CA1: variants seen among roughly 807,000 people sequenced by gnomAD.
The protein encoded by CA1 is carbonate dehydratase I.
In CA1, 27 loss-of-function variants were observed where a neutral mutation model predicts 28.8. The ratio of observed to expected loss-of-function variants is 0.94; its 90% confidence interval spans 0.69 to 1.29. CA1 has a LOEUF of 1.29. Ranked by LOEUF, CA1 falls within the 50% of genes most tolerant of loss-of-function variation. The pLI is 0.00. For synonymous variants in CA1, 121 were observed against 108.8 expected (o/e 1.11, Z -0.70); for missense variants, 335 against 310.5 (o/e 1.08, Z -0.59).
At chr8:85,355,641 T>A (rs963701940) in intron 1 of CA1, among the ~76,000 whole-genome samples, 1 of 149,736 alleles carries the variant, frequency 6.7e-6, no homozygotes, top group Non-Finnish European at 1.5e-5. Flanking sequence ...GCTCCAGGGA[T>A]CCTCTTGTCT....
chr8:85,354,439 T>C (rs190957060), intron 1 of CA1, among the ~76,000 whole-genome samples: 5 of 152,252 alleles, frequency 3.3e-5, no homozygotes, highest in Admixed American at 2.0e-4. Context: ...CATTCTTCCT[T>C]CCAGAAAAAG....
chr8:85,327,995 AC>A lies in CA1; in HGVS notation c.*564del, dbSNP rs1808243733. 1 of 152,512 alleles carries A rather than the reference AC, an allele frequency of 6.6e-6. No individual in the cohort carries two copies. Among genetic ancestry groups the A allele is most frequent in the Non-Finnish European group, 1.5e-5 (1 of 68,296 alleles). The allele number at this position is 152,512 out of a possible 1,614,324, so 9.4% of individuals were successfully genotyped here. A position where few individuals can be genotyped will look rare whatever the true frequency, so the allele number is the denominator to read the frequency against. On this transcript the variant is annotated 3_prime_UTR_variant, in exon 8 of 8. Coordinates refer to ENST00000523022, the MANE Select transcript of CA1 (RefSeq NM_001128831.4). The stretch of plus-strand genomic sequence containing the variant: ...TAAAAGATAATCATTTTGATCACAG[AC>A]AACACAAATGGTAGCAATGTTGGGC...
chr8:85,371,419 C>T (rs925381660), intron 1 of CA1, among the ~76,000 whole-genome samples: 5 of 79,934 alleles, frequency 6.3e-5, no homozygotes, highest in Admixed American at 1.0e-4. Context: ...GGTGTGTGTG[C>T]GTATACACAC....
chr8:85,367,951 G>A (rs989100548), intron 1 of CA1, among the ~76,000 whole-genome samples: 1 of 151,900 alleles, frequency 6.6e-6, no homozygotes, highest in Non-Finnish European at 1.5e-5. Flanking sequence ...TAAATTGAAA[G>A]TATTAAAGAA....
rs1395135419 is a variant in CA1, at chr8:85,338,264, C to T, written c.223G>A (p.Asp75Asn). 11 of 1,613,464 alleles carry T rather than the reference C, an allele frequency of 6.8e-6. No individual in the cohort carries two copies. Among genetic ancestry groups the T allele is most frequent in the Non-Finnish European group, 9.3e-6 (11 of 1,179,550 alleles). Residue 75 changes from aspartate (D) to asparagine (N), a missense_variant, in exon 3 of 8, where the codon GAT (aspartate) becomes AAT (asparagine). Asp to Asn is a conservative substitution (Grantham distance 23). Coordinates refer to ENST00000523022, the MANE Select transcript of CA1 (RefSeq NM_001128831.4). The part of the protein sequence containing the change: ...HSFHVNFEDN[D>N]NRSVLKGGPF... Reference sequence around the variant, plus strand: ...TCTTTCAGCTCACCTGATCGGTTATCGTTGTCCTCAAAATTTACATGGAAG... The same window carrying T: ...TCTTTCAGCTCACCTGATCGGTTATTGTTGTCCTCAAAATTTACATGGAAG...
At chr8:85,363,997 T>C (rs1016485428) in intron 1 of CA1, among the ~76,000 whole-genome samples, 8 of 152,144 alleles carry the variant, frequency 5.3e-5, no homozygotes, top group Admixed American at 4.6e-4. Flanking sequence ...TCCTTTCTTT[T>C]CTTTTTTATT....
At chr8:85,340,947 A>G (rs552788384) in intron 2 of CA1, 1 of 152,452 alleles carries the variant, frequency 6.6e-6, no homozygotes, top group South Asian at 2.1e-4. Flanking sequence ...GATCAAGACC[A>G]TCCTGGCTAA....
intron 1 of CA1, among the ~76,000 whole-genome samples, chr8:85,360,937 T>C (rs1321601974): frequency 6.6e-6 from 1 of 152,198 alleles, no homozygotes; most frequent in Non-Finnish European, 1.5e-5. Context: ...ATTTCTCTCT[T>C]GCAGAACCAC....
intron 4 of CA1, among the ~76,000 whole-genome samples, chr8:85,334,729 A>G (rs1260690644): frequency 6.6e-6 from 1 of 151,830 alleles, no homozygotes; most frequent in Non-Finnish European, 1.5e-5. Flanking sequence ...ACAGTATCTC[A>G]CGCCTGTAAT....
chr8:85,334,048 G>A (rs1808531626), intron 4 of CA1, among the ~76,000 whole-genome samples: 1 of 152,174 alleles, frequency 6.6e-6, no homozygotes, highest in South Asian at 2.1e-4. Flanking sequence ...TTTCAGGCAC[G>A]TTCGTGCCCT....
intron 1 of CA1, among the ~76,000 whole-genome samples, chr8:85,355,321 A>G (rs1264858902): frequency 6.6e-6 from 1 of 152,224 alleles, no homozygotes; most frequent in African/African-American, 2.4e-5. Context: ...ATGAAGGTGA[A>G]TATACAAAGA....
At chr8:85,375,554 G>T (rs148785607) in intron 1 of CA1, among the ~76,000 whole-genome samples, 2 of 150,800 alleles carry the variant, frequency 1.3e-5, no homozygotes, top group Non-Finnish European at 2.9e-5. Flanking sequence ...AGAAAGATTA[G>T]AACAAATGTT....
At position 85,375,958 on chromosome 8, in the gene CA1, C is replaced by G. The variant is rs532611988; in HGVS notation, c.-25+2088G>C. On this transcript the variant is annotated intron_variant, in intron 1 of 7. Transcript: ENST00000523022. The stretch of plus-strand genomic sequence containing the variant: ...AAAAAGCAAGTTGACTCCAATCAGG[C>G]AATAAAGAGATTGAATTCAGTCGAG... Among the ~76,000 whole-genome samples the G allele has an allele frequency of 4.4e-4, 67 of 152,212 alleles. 1 individual carries two copies. Among genetic ancestry groups the G allele is most frequent in the Admixed American group, 3.9e-3 (60 of 15,302 alleles).
At chr8:85,376,495 C>T (rs1319990963) in intron 1 of CA1, among the ~76,000 whole-genome samples, 1 of 151,742 alleles carries the variant, frequency 6.6e-6, no homozygotes, top group African/African-American at 2.4e-5. Flanking sequence ...AACCCTGTCT[C>T]TACTAAAAAT....
intron 1 of CA1, chr8:85,373,407 A>G (rs896263743): frequency 6.6e-6 from 1 of 152,198 alleles, no homozygotes; most frequent in Non-Finnish European, 1.5e-5. Context: ...CACAATGCTT[A>G]CATCATTCAC....
At position 85,327,820 on chromosome 8, in the gene CA1, A is replaced by G; in HGVS notation, c.*740T>C. ...CAAGAATGACTTCTTTAGCATTTTT[A>G]TAAACCATTCACTTGTGACTTTTCT... On this transcript the variant is annotated 3_prime_UTR_variant, in exon 8 of 8. Transcript: ENST00000523022. 1 of 152,250 alleles carries G rather than the reference A, an allele frequency of 6.6e-6. No individual in the cohort carries two copies. Among genetic ancestry groups the G allele is most frequent in the East Asian group, 1.9e-4 (1 of 5,206 alleles). The allele number at this position is 152,250 out of a possible 1,614,324, so 9.4% of individuals were successfully genotyped here.
At chr8:85,350,191 G>A (rs1401486472) in intron 1 of CA1, among the ~76,000 whole-genome samples, 1 of 152,166 alleles carries the variant, frequency 6.6e-6, no homozygotes, top group Non-Finnish European at 1.5e-5. Context: ...CTCTAAGTAA[G>A]TGAAGAATTT....
chr8:85,355,667 G>C (rs1029550026), intron 1 of CA1, among the ~76,000 whole-genome samples: 5 of 151,120 alleles, frequency 3.3e-5, no homozygotes, highest in Admixed American at 2.6e-4. Context: ...TCTCAAAGTA[G>C]GGGCATTATA....
chr8:85,336,220 TTA>T (rs1224211939), intron 4 of CA1, among the ~76,000 whole-genome samples: 1 of 152,112 alleles, frequency 6.6e-6, no homozygotes, highest in Non-Finnish European at 1.5e-5. Context: ...GGTTGCAAAA[TTA>T]TATATATTAT....
Sources: gnomAD v4.1 joint callset for allele counts (sites outside exome capture counted in the v4.1 genomes callset) on GRCh38, gnomAD v4.1.1 for gene constraint, MANE v1.5 for transcripts, NCBI Gene and HGNC (gene_info 2026-07-23, HGNC 2026-07-21) for gene names.